Variants in AFF2 observed in about 807,000 individuals in gnomAD.
The protein encoded by AFF2 is AF4/FMR2 family member 2.
A neutral mutation model predicts 76.9 loss-of-function variants in AFF2; 14 were observed. The observed-to-expected ratio is 0.18, with a 90% CI of 0.12 to 0.28. AFF2 has a LOEUF of 0.28. Among genes scored for constraint, AFF2 ranks in the 10% least tolerant of loss-of-function variants. The pLI is 1.00. For synonymous variants in AFF2, 398 were observed against 366.7 expected, an observed-to-expected ratio of 1.09 and a Z score of -0.98; for missense variants, 868 against 1,001.1, an observed-to-expected ratio of 0.87 and a Z score of 1.79.
chrX:148,589,093 CT>C (rs2053496920), intron 1 of AFF2, among the ~76,000 whole-genome samples: 1 of 110,389 alleles, frequency 9.1e-6, no homozygotes, highest in Non-Finnish European at 1.9e-5. Flanking sequence ...GCTTTGAGAA[CT>C]TTCCTCTTTC....
intron 4 of AFF2, among the ~76,000 whole-genome samples, chrX:148,829,811 C>T (rs1346143421): frequency 3.6e-5 from 4 of 111,799 alleles, no homozygotes; most frequent in African/African-American, 1.3e-4. Flanking sequence ...CAGTAGGCTC[C>T]ATGATTGGAA....
At chrX:148,861,626 C>T (rs1469991415) in intron 7 of AFF2, among the ~76,000 whole-genome samples, 1 of 110,893 alleles carries the variant, frequency 9.0e-6, no homozygotes, top group African/African-American at 3.3e-5. Flanking sequence ...AGAATCTCTA[C>T]CAACATGATG....
intron 1 of AFF2, among the ~76,000 whole-genome samples, chrX:148,651,177 G>A (rs1220976528): frequency 2.7e-5 from 3 of 112,164 alleles, no homozygotes; most frequent in Non-Finnish European, 5.6e-5. Context: ...AAAACCAGAA[G>A]GCCTGGAATA....
chrX:148,792,619 A>G (rs1557270035), intron 3 of AFF2, among the ~76,000 whole-genome samples: 1 of 112,363 alleles, frequency 8.9e-6, no homozygotes. Flanking sequence ...TGGCAGTGCT[A>G]AGAGGGTCTT....
At chrX:148,531,382 A>G (rs782748053) in intron 1 of AFF2, among the ~76,000 whole-genome samples, 2 of 112,756 alleles carry the variant, frequency 1.8e-5, no homozygotes, top group South Asian at 7.3e-4. Flanking sequence ...ATCATTTCAT[A>G]GAAGATACAG....
chrX:148,820,474 C>T (rs2070315092), intron 4 of AFF2, among the ~76,000 whole-genome samples: 1 of 112,079 alleles, frequency 8.9e-6, no homozygotes, highest in Non-Finnish European at 1.9e-5. Flanking sequence ...CAGATTTATA[C>T]ATTCAGAATC....
At chrX:148,805,224 G>A (rs528563836) in intron 3 of AFF2, among the ~76,000 whole-genome samples, 14 of 111,351 alleles carry the variant, frequency 1.3e-4, no homozygotes, top group African/African-American at 2.0e-4. Flanking sequence ...GGTTAACTGG[G>A]CCCAGTTATT....
chrX:148,962,231 C>T (rs1557288107), intron 12 of AFF2, among the ~76,000 whole-genome samples: 1 of 112,373 alleles, frequency 8.9e-6, no homozygotes, highest in Admixed American at 9.4e-5. Context: ...CTAAGTAATG[C>T]GTAAGCATAA....
chrX:148,797,129 G>A (rs782145025), intron 3 of AFF2, among the ~76,000 whole-genome samples: 1 of 112,537 alleles, frequency 8.9e-6, no homozygotes, highest in East Asian at 2.8e-4. Context: ...TGTGAAATGT[G>A]TAGCTTTTAA....
intron 4 of AFF2, among the ~76,000 whole-genome samples, chrX:148,824,357 T>C (rs567545329): frequency 9.8e-5 from 11 of 111,705 alleles, no homozygotes; most frequent in Middle Eastern, 9.4e-3. Context: ...TCTGAAGATG[T>C]ACTGTATTAT....
intron 9 of AFF2, among the ~76,000 whole-genome samples, chrX:148,952,937 G>A (rs891692223): frequency 7.2e-5 from 8 of 111,073 alleles, no homozygotes; most frequent in Admixed American, 1.9e-4. Flanking sequence ...GGGGCTGAGC[G>A]CCAGGCCCTC....
At chrX:148,697,928 A>C (rs2054739883) in intron 3 of AFF2, among the ~76,000 whole-genome samples, 1 of 112,528 alleles carries the variant, frequency 8.9e-6, no homozygotes, top group African/African-American at 3.2e-5. Flanking sequence ...ATGTTTTGTT[A>C]ATGTATTTGA....
intron 16 of AFF2, 103 bp downstream of exon 16, chrX:148,973,710 A>T: frequency 1.1e-6 from 1 of 903,145 alleles, no homozygotes; most frequent in Non-Finnish European, 1.5e-6. Context: ...AATTTGTCCA[A>T]GCCATCCTCT....
chrX:148,622,142 G>A (rs891440995), intron 1 of AFF2, among the ~76,000 whole-genome samples: 1 of 112,140 alleles, frequency 8.9e-6, no homozygotes, highest in Non-Finnish European at 1.9e-5. Flanking sequence ...AACAGCAGTT[G>A]AGGCAGCCCT....
intron 9 of AFF2, among the ~76,000 whole-genome samples, chrX:148,912,827 G>A (rs2071486198): frequency 9.0e-6 from 1 of 111,391 alleles, no homozygotes; most frequent in Non-Finnish European, 1.9e-5. Context: ...TGAGATACAT[G>A]AAGCTAAGTA....
At chrX:148,772,002 G>C (rs1557268140) in intron 3 of AFF2, among the ~76,000 whole-genome samples, 2 of 111,787 alleles carry the variant, frequency 1.8e-5, no homozygotes, top group African/African-American at 6.5e-5. Context: ...ATTCATGCAA[G>C]ACTGGATGTA....
intron 3 of AFF2, among the ~76,000 whole-genome samples, chrX:148,791,346 C>A (rs782487688): frequency 9.0e-6 from 1 of 111,439 alleles, no homozygotes; most frequent in Non-Finnish European, 1.9e-5. Context: ...GGGAACTCCC[C>A]GTTATAAAAC....
At chrX:148,977,368 A>G (rs186792925) in intron 16 of AFF2, among the ~76,000 whole-genome samples, 1 of 109,245 alleles carries the variant, frequency 9.2e-6, no homozygotes, top group Non-Finnish European at 1.9e-5. Context: ...TGTGAAATCG[A>G]CCTTCCTTTA....
chrX:148,894,168 T>G (rs2124174253), intron 8 of AFF2, among the ~76,000 whole-genome samples: 1 of 111,695 alleles, frequency 9.0e-6, no homozygotes, highest in African/African-American at 3.3e-5. Context: ...AAGCAAAAGT[T>G]ATATAATGAA....
Sources: gnomAD v4.1 joint callset for allele counts (sites outside exome capture counted in the v4.1 genomes callset) on GRCh38, gnomAD v4.1.1 for gene constraint, MANE v1.5 for transcripts, NCBI Gene and HGNC (gene_info 2026-07-23, HGNC 2026-07-21) for gene names.